Variants in AGBL4 observed in about 807,000 individuals in gnomAD.
AGBL4 encodes cytosolic carboxypeptidase 6.
Under a neutral mutation model 66.4 loss-of-function variants are expected in AGBL4, and 58 were observed. The ratio of observed to expected loss-of-function variants is 0.87; its 90% CI spans 0.71 to 1.09. The LOEUF is 1.09. Among genes scored for constraint, AGBL4 ranks in the 50% least tolerant of loss-of-function variants. The pLI is 0.00. For synonymous variants in AGBL4, 234 were observed against 222.9 expected (o/e 1.05, Z -0.44); for missense variants, 579 against 631.0 (o/e 0.92, Z 0.88).
chr1:49,916,899 T>C (rs1276050708), intron 1 of AGBL4, among the ~76,000 whole-genome samples: 2 of 152,172 alleles, frequency 1.3e-5, no homozygotes, highest in Non-Finnish European at 2.9e-5. Flanking sequence ...GCAGAAACCC[T>C]ACAAGCCAGA....
rs180929761 is a variant in AGBL4, at chr1:48,656,373, T to C, written c.725-2922A>G. On this transcript the variant is annotated intron_variant, in intron 7 of 13. Transcript: ENST00000371839. ...CTCCAGGAATTCATACAACTTTGAC[T>C]GTGTGGGATTAGTTGAACTGATCAT... Among the ~76,000 whole-genome samples the C allele has an allele frequency of 7.7e-4, 117 of 152,350 alleles. 1 individual carries two copies. Among genetic ancestry groups the C allele is most frequent in the Admixed American group, 5.9e-3 (91 of 15,310 alleles).
intron 6 of AGBL4, among the ~76,000 whole-genome samples, chr1:48,715,859 T>C (rs1183808318): frequency 6.6e-6 from 1 of 152,188 alleles, no homozygotes; most frequent in African/African-American, 2.4e-5. Flanking sequence ...TTAATCACTT[T>C]TGAGCTGTGC....
intron 3 of AGBL4, among the ~76,000 whole-genome samples, chr1:49,475,436 T>C (rs1332433867): frequency 6.6e-6 from 1 of 151,980 alleles, no homozygotes; most frequent in Non-Finnish European, 1.5e-5. Context: ...CAAGATGATA[T>C]TGATTTCATA....
chr1:49,907,064 G>A (rs529159467), intron 1 of AGBL4, among the ~76,000 whole-genome samples: 3 of 152,120 alleles, frequency 2.0e-5, no homozygotes, highest in African/African-American at 7.2e-5. Flanking sequence ...TGACCATGCC[G>A]AAGCTTTTCT....
rs113501068 is a variant in AGBL4 at position 49,067,257 on chromosome 1, G to A, written c.378-21457C>T. On this transcript the variant is annotated intron_variant, in intron 4 of 13. Coordinates refer to ENST00000371839, the MANE Select transcript of AGBL4 (RefSeq NM_032785.4). ...TTTCTAAGCAGAGAGAAAAGCATGG[G>A]AAGATGGAGCAAGGATTTTGCATAT... Among the ~76,000 whole-genome samples, 307 of 152,294 alleles carry A rather than the reference G, an allele frequency of 2.0e-3. 5 individuals are homozygous for A. The highest frequency in any genetic ancestry group is 6.9e-3 in the African/African-American group (286 of 41,560).
intron 6 of AGBL4, among the ~76,000 whole-genome samples, chr1:48,733,421 A>G (rs1488301477): frequency 1.3e-5 from 2 of 152,172 alleles, no homozygotes; most frequent in Non-Finnish European, 2.9e-5. Context: ...AAAACTGTGG[A>G]AATTCCTTTA....
intron 6 of AGBL4, among the ~76,000 whole-genome samples, chr1:48,749,944 G>A (rs925030713): frequency 6.6e-6 from 1 of 152,222 alleles, no homozygotes; most frequent in African/African-American, 2.4e-5. Context: ...GGAATAAGTG[G>A]GGTGGGCAGC....
At chr1:49,468,746 T>G (rs1281331187) in intron 3 of AGBL4, among the ~76,000 whole-genome samples, 1 of 151,798 alleles carries the variant, frequency 6.6e-6, no homozygotes, top group Non-Finnish European at 1.5e-5. Context: ...CTTTAGAGAG[T>G]TCTAATTTGT....
At chr1:49,946,887 C>T (rs574518476) in intron 1 of AGBL4, among the ~76,000 whole-genome samples, 86 of 151,696 alleles carry the variant, frequency 5.7e-4, no homozygotes, top group Non-Finnish European at 1.1e-3. Flanking sequence ...ACAACTGACA[C>T]GATAGAAATA....
intron 5 of AGBL4, among the ~76,000 whole-genome samples, chr1:48,950,451 C>T (rs1390225150): frequency 1.3e-5 from 2 of 152,186 alleles, no homozygotes; most frequent in African/African-American, 2.4e-5. Flanking sequence ...AAGTAACTTG[C>T]TCAAGGTCAT....
chr1:48,525,355 G>C, the AGBL4 span, among the ~76,000 whole-genome samples: 7 of 152,130 alleles, frequency 4.6e-5, no homozygotes, highest in Non-Finnish European at 8.8e-5. Context: ...TGTAGAATCA[G>C]TAAAAATCAG....
At position 49,451,654 on chromosome 1, in the gene AGBL4, G is replaced by C. The variant is rs956764403; in HGVS notation, c.283-205790C>G. ...GTAGGAATAATTATTTCCAACTTTT[G>C]TTAAAACATGTGTAACCCTTTAGTA... On this transcript the variant is annotated intron_variant, in intron 3 of 13. Transcript: ENST00000371839. 2.4e-4 allele frequency among the ~76,000 whole-genome samples: 37 copies of C among 151,986 alleles called. 1 individual carries two copies. The highest frequency in any genetic ancestry group is 8.7e-4 in the African/African-American group (36 of 41,522).
chr1:50,012,479 T>G (rs1661622995), intron 1 of AGBL4, among the ~76,000 whole-genome samples: 1 of 151,110 alleles, frequency 6.6e-6, no homozygotes. Flanking sequence ...ATACACCTAC[T>G]ACATATCCAG....
intron 3 of AGBL4, among the ~76,000 whole-genome samples, chr1:49,382,284 G>A (rs1644634324): frequency 6.6e-6 from 1 of 152,084 alleles, no homozygotes; most frequent in Non-Finnish European, 1.5e-5. Flanking sequence ...TTGAGCCCAA[G>A]CATTTCATTG....
intron 3 of AGBL4, among the ~76,000 whole-genome samples, chr1:49,261,800 A>G (rs1411075430): frequency 4.1e-5 from 6 of 147,918 alleles, no homozygotes; most frequent in Non-Finnish European, 7.5e-5. Flanking sequence ...ACAGAATTGG[A>G]AAAAACTACT....
chr1:49,802,416 T>C (rs1261796549), intron 2 of AGBL4, among the ~76,000 whole-genome samples: 1 of 152,240 alleles, frequency 6.6e-6, no homozygotes, highest in African/African-American at 2.4e-5. Context: ...CTATGGATTG[T>C]TTGTAACCAG....
chr1:49,529,562 C>T (rs977430700), intron 3 of AGBL4, among the ~76,000 whole-genome samples: 1 of 151,940 alleles, frequency 6.6e-6, no homozygotes, highest in African/African-American at 2.4e-5. Context: ...GCCTGTAATC[C>T]CAGCTACTCA....
At chr1:49,585,502 G>C (rs1381339233) in intron 3 of AGBL4, among the ~76,000 whole-genome samples, 1 of 152,140 alleles carries the variant, frequency 6.6e-6, no homozygotes, top group Non-Finnish European at 1.5e-5. Flanking sequence ...CAAGAAGCCA[G>C]TGCCCTCAAT....
intron 4 of AGBL4, among the ~76,000 whole-genome samples, chr1:49,142,178 C>T (rs181074811): frequency 3.6e-3 from 542 of 152,190 alleles, no homozygotes; most frequent in Non-Finnish European, 5.3e-3. Flanking sequence ...CAGTTTAATC[C>T]TAAAACCATC....
Sources: gnomAD v4.1 joint callset for allele counts (sites outside exome capture counted in the v4.1 genomes callset) on GRCh38, gnomAD v4.1.1 for gene constraint, MANE v1.5 for transcripts, NCBI Gene and HGNC (gene_info 2026-07-23, HGNC 2026-07-21) for gene names.